CPSF1: variants seen among roughly 807,000 people sequenced by gnomAD.
CPSF1 encodes cleavage and polyadenylation specific factor 1.
Under a neutral mutation model 175.8 loss-of-function variants are expected in CPSF1, and 106 were observed. The observed-to-expected ratio is 0.60, with a 90% confidence interval of 0.52 to 0.71. The LOEUF is 0.71. CPSF1 is among the 30% of genes least tolerant of loss of function. The pLI, the probability that CPSF1 is intolerant of heterozygous loss-of-function variation, is 0.00. For synonymous variants in CPSF1, 1,024 were observed against 858.3 expected (o/e 1.19, Z -3.37); for missense variants, 1,734 against 2,022.9 (o/e 0.86, Z 2.74).
Position 144,399,928 on chromosome 8 carries a change from G to A in CPSF1, c.1032-60C>T, listed in dbSNP as rs1382133673. The A allele has an allele frequency of 1.9e-6, 3 of 1,578,908 alleles. No individual in the cohort carries two copies. Among genetic ancestry groups the A allele is most frequent in the Non-Finnish European group, 1.7e-6 (2 of 1,161,440 alleles). On this transcript the variant is annotated intron_variant, in intron 10 of 37. Coordinates refer to ENST00000616140, the MANE Select transcript of CPSF1 (RefSeq NM_013291.3). The surrounding 1 kb of genome is among the most constrained non-coding windows in gnomAD (Gnocchi z 6.4). ...GACCCTGGGGGAGTGAAGGGGGCCA[G>A]GGGACCCTACAGGACTTGTGGGGGG...
chr8:144,408,757 G>GA (rs1299486044), intron 2 of CPSF1, among the ~76,000 whole-genome samples: 1 of 152,222 alleles, frequency 6.6e-6, no homozygotes, highest in African/African-American at 2.4e-5. Context: ...ACAACTTGCT[G>GA]AAAAAACGGA....
intron 2 of CPSF1, among the ~76,000 whole-genome samples, chr8:144,403,771 A>G (rs1228780759): frequency 1.3e-5 from 2 of 151,540 alleles, no homozygotes; most frequent in Non-Finnish European, 2.9e-5. Flanking sequence ...GATGGTCTCG[A>G]ACCCCTGACC....
Position 144,393,580 on chromosome 8 carries a change from C to A in CPSF1, c.4156G>T (p.Val1386Leu). The A allele has an allele frequency of 6.2e-7, 1 of 1,604,440 alleles. No homozygotes were observed. The highest frequency in any genetic ancestry group is 1.1e-5 in the South Asian group (1 of 89,210). Reference protein sequence around the residue: ...LNPRAFRMLHVDRRTLQNAVR... With the variant: ...LNPRAFRMLHLDRRTLQNAVR... ...GCATTCTGGAGGGTGCGGCGGTCCA[C>A]GTGCAGCATCCTGGGGCGTACAGGC... is the stretch of plus-strand genomic sequence containing the variant. Residue 1386 changes from valine to leucine, a missense_variant, in exon 37 of 38, where the codon GTG becomes TTG. Physicochemically the swap from Val to Leu is conservative, Grantham distance 32. Transcript: ENST00000616140.
Position 144,394,362 on chromosome 8 carries a change from C to T in CPSF1, c.3744+17G>A, listed in dbSNP as rs535659399. ...CGGGTACCCACCCAGACACGAGCACCGCCGCCACAGGTGTACCCGCGACAC... is the reference window on the plus strand; with the variant it reads ...CGGGTACCCACCCAGACACGAGCACTGCCGCCACAGGTGTACCCGCGACAC... On this transcript the variant is annotated intron_variant, in intron 32 of 37. Transcript: ENST00000616140. 2.4e-5 allele frequency: 39 copies of T among 1,592,544 alleles called. No individual in the cohort carries two copies. Among genetic ancestry groups the T allele is most frequent in the South Asian group, 4.5e-5 (4 of 88,894 alleles).
chr8:144,394,105 G>A lies in CPSF1; in HGVS notation c.3859+8C>T. On this transcript the variant is annotated splice_region_variant and intron_variant, in intron 34 of 37. Coordinates refer to ENST00000616140, the MANE Select transcript of CPSF1 (RefSeq NM_013291.3). The stretch of plus-strand genomic sequence containing the variant: ...GGCCCAGGCAGAGGGGGTGGAGGAA[G>A]CACTCACCTTCGGGCAGGTACATGT... 2 of 1,612,428 alleles carry A rather than the reference G, an allele frequency of 1.2e-6. No individual in the cohort carries two copies. Among genetic ancestry groups the A allele is most frequent in the Non-Finnish European group, 1.7e-6 (2 of 1,179,534 alleles).
In CPSF1 at chr8:144,398,959, T is replaced by G; in HGVS notation, c.1547A>C (p.Gln516Pro). 1 of 1,612,872 alleles carries G rather than the reference T, an allele frequency of 6.2e-7. No individual in the cohort carries two copies. The highest frequency in any genetic ancestry group is 1.1e-5 in the South Asian group (1 of 91,074). ...HGKNGALSVL[Q>P]KSIRPQVVTT... is the part of the protein sequence containing the mutation. Reference sequence around the variant, plus strand: ...CCCGCCCCCTACCTGCCCACACACCTGCAGCACCGACAAAGCCCCGTTCTT... The same window carrying G: ...CCCGCCCCCTACCTGCCCACACACCGGCAGCACCGACAAAGCCCCGTTCTT... The change falls in exon 16 of 38, where the codon CAG (glutamine) becomes CCG (proline). Residue 516 changes from glutamine to proline, a missense_variant and splice_region_variant. Coordinates refer to ENST00000616140, the MANE Select transcript of CPSF1 (RefSeq NM_013291.3).
In CPSF1 at chr8:144,397,658, G is replaced by A. The variant is rs868927370; in HGVS notation, c.2214C>T (p.Pro738=). The change falls in exon 22 of 38, where the codon CCC becomes CCT. Residue 738 remains proline (P), a synonymous_variant. Coordinates refer to ENST00000616140, the MANE Select transcript of CPSF1 (RefSeq NM_013291.3). ...EAEGLGSETS[P]TVDDEEEMLY... ...GCATCTCCTCCTCGTCATCCACTGT[G>A]GGGCTGGGGGCCAGCAGAAGGTCAT... The A allele has an allele frequency of 1.3e-6, 2 of 1,537,488 alleles. No homozygotes were observed. The highest frequency in any genetic ancestry group is 3.5e-4 in the Middle Eastern group (2 of 5,686).
rs1282456414 is a variant in CPSF1 at position 144,399,764 on chromosome 8, C to T, written c.1119+17G>A. 1.9e-6 allele frequency: 3 copies of T among 1,587,830 alleles called. No homozygotes were observed. The highest frequency in any genetic ancestry group is 1.3e-5 in the African/African-American group (1 of 74,422). The stretch of plus-strand genomic sequence containing the variant: ...GGCCGGGTCTGGACCCAGACCCAAC[C>T]CCTAGTCCCAACTCACGCTGGTGGT... On this transcript the variant is annotated intron_variant, in intron 11 of 37. Coordinates refer to ENST00000616140, the MANE Select transcript of CPSF1 (RefSeq NM_013291.3). This position sits in a 1 kb window ranked among gnomAD's most constrained non-coding sequence, Gnocchi z 6.4.
chr8:144,400,148 C>CCCCA lies in CPSF1; in HGVS notation c.937+17_937+18insTGGG. The CCCCA allele has an allele frequency of 2.9e-6, 4 of 1,393,916 alleles. No homozygotes were observed. Among genetic ancestry groups the CCCCA allele is most frequent in the East Asian group, 2.5e-5 (1 of 39,990 alleles). The allele number at this position is 1,393,916 out of a possible 1,614,324, so 86.3% of individuals were successfully genotyped here. ...AGCCGTCCCCGGGCCCCCCCCGCCC[C>CCCCA]AGCCACCCCACACTCACGAAGCGGG... On this transcript the variant is annotated intron_variant, in intron 9 of 37. Coordinates refer to ENST00000616140, the MANE Select transcript of CPSF1 (RefSeq NM_013291.3).
intron 2 of CPSF1, 35 bp downstream of exon 2, chr8:144,408,980 C>T (rs2116912514): frequency 1.2e-5 from 19 of 1,604,080 alleles, no homozygotes; most frequent in East Asian, 2.2e-5. Context: ...ACCCACGTCG[C>T]GGACAGCCGG....
At chr8:144,397,106 TGGG>T (rs1288459207) in intron 23 of CPSF1, 98 bp downstream of exon 23, 84 of 671,046 alleles carry the variant, frequency 1.3e-4, no homozygotes, top group Non-Finnish European at 1.8e-5. Context: ...GGCGGGGCCG[TGGG>T]GGAGATGGGG....
chr8:144,398,721 T>C, intron 17 of CPSF1, 58 bp downstream of exon 17: 1 of 1,595,356 alleles, frequency 6.3e-7, no homozygotes, highest in Non-Finnish European at 8.6e-7. Flanking sequence ...ACCCCCGGCC[T>C]ATGAGAAGGC....
In CPSF1 at chr8:144,409,141, T is replaced by C; in HGVS notation, c.18A>G (p.Lys6=). 1 of 1,612,144 alleles carries C rather than the reference T, an allele frequency of 6.2e-7. No individual in the cohort carries two copies. The highest frequency in any genetic ancestry group is 8.5e-7 in the Non-Finnish European group (1 of 1,179,378). Residue 6 remains lysine (K), a synonymous_variant, in exon 2 of 38, where the codon AAA becomes AAG. Transcript: ENST00000616140. MYAVY[K]QAHPPTGLEF... is the part of the protein sequence containing the mutation. Reference sequence around the variant, plus strand: ...CCAGACCGGTGGGCGGATGCGCCTGTTTGTACACGGCGTACATGGCGCCAA... The same window carrying C: ...CCAGACCGGTGGGCGGATGCGCCTGCTTGTACACGGCGTACATGGCGCCAA...
chr8:144,400,848 A>AGGGGAGGC, intron 6 of CPSF1, 31 bp from the exon 7 acceptor site: 1 of 1,610,882 alleles, frequency 6.2e-7, no homozygotes, highest in South Asian at 1.1e-5. Flanking sequence ...GCAGGAGAGG[A>AGGGGAGGC]GGGGAGGCGG....
rs1554862713 is a variant in CPSF1 at position 144,394,360 on chromosome 8, A to G, written c.3744+19T>C. The G allele has an allele frequency of 1.9e-6, 3 of 1,590,792 alleles. No individual in the cohort carries two copies. The South Asian group carries it at 3.4e-5, about 18-fold the overall frequency. ...GGCGGGTACCCACCCAGACACGAGC[A>G]CCGCCGCCACAGGTGTACCCGCGAC... is the stretch of plus-strand genomic sequence containing the variant. On this transcript the variant is annotated intron_variant, in intron 32 of 37. Transcript: ENST00000616140.
chr8:144,395,676 C>A (rs975779364), intron 26 of CPSF1, 125 bp from the exon 27 acceptor site: 11 of 766,126 alleles, frequency 1.4e-5, no homozygotes, highest in Non-Finnish European at 2.4e-5. Context: ...GGGTGAGGGG[C>A]AGCTGTGTCC....
chr8:144,399,234 G>C lies in CPSF1; in HGVS notation c.1393-32C>G. The C allele has an allele frequency of 6.2e-7, 1 of 1,611,994 alleles. No individual in the cohort carries two copies. Among genetic ancestry groups the C allele is most frequent in the Non-Finnish European group, 8.5e-7 (1 of 1,179,690 alleles). On this transcript the variant is annotated intron_variant, in intron 14 of 37. Transcript: ENST00000616140. This position sits in a 1 kb window ranked among gnomAD's most constrained non-coding sequence, Gnocchi z 6.4. ...CACAGCAAGAGTCAGGGGCCCGCTG[G>C]GGGCGCTGGCTGGGACGGGGGCCCT...
rs782554495 is a variant in CPSF1, at chr8:144,396,903, G to C, written c.2619C>G (p.Ile873Met). The C allele has an allele frequency of 6.2e-7, 1 of 1,613,684 alleles. No individual in the cohort carries two copies. The highest frequency in any genetic ancestry group is 8.5e-7 in the Non-Finnish European group (1 of 1,179,826). The change falls in exon 24 of 38, where the codon ATC (isoleucine) becomes ATG (methionine). Residue 873 changes from isoleucine to methionine, a missense_variant. Coordinates refer to ENST00000616140, the MANE Select transcript of CPSF1 (RefSeq NM_013291.3). ...LLVHVDQELL[I>M]YEAFPHDSQL... ...GAGAGTCGTGGGGGAAGGCCTCGTA[G>C]ATAAGCAGCTCTTGGTCCACATGCA...
Position 144,397,883 on chromosome 8 carries a change from C to T in CPSF1, c.2074-4G>A, listed in dbSNP as rs2977834. 0.61 allele frequency: 978,224 copies of T among 1,602,666 alleles called. 303,974 individuals are homozygous for T. The highest frequency in any genetic ancestry group is 0.68 in the Middle Eastern group (4,113 of 6,036). Reference sequence around the variant, plus strand: ...ACAGCGTAATCACCTTGGACTGCTGCGGGGAGAGGGGTGGGCTCAGCGGCG... The same window carrying T: ...ACAGCGTAATCACCTTGGACTGCTGTGGGGAGAGGGGTGGGCTCAGCGGCG... On this transcript the variant is annotated splice_region_variant and splice_polypyrimidine_tract_variant and intron_variant, in intron 20 of 37. Coordinates refer to ENST00000616140, the MANE Select transcript of CPSF1 (RefSeq NM_013291.3).
Sources: gnomAD v4.1 joint callset for allele counts (sites outside exome capture counted in the v4.1 genomes callset) on GRCh38, gnomAD v4.1.1 for gene constraint, Gnocchi (gnomAD v3.1) non-coding constraint, MANE v1.5 for transcripts, NCBI Gene and HGNC (gene_info 2026-07-23, HGNC 2026-07-21) for gene names.